The following TMEM143 variants were observed in gnomAD, a reference collection of about 807,000 sequenced individuals.
The protein encoded by TMEM143 is transmembrane protein 143.
In TMEM143, 45 loss-of-function variants were observed where a neutral mutation model predicts 40.3. The ratio of observed to expected loss-of-function variants is 1.12; its 90% CI spans 0.88 to 1.43. The LOEUF is 1.43. Ranked by LOEUF, TMEM143 falls within the 40% of genes most tolerant of loss-of-function variation. TMEM143 has a pLI of 0.00. For missense variants in TMEM143, 620 were observed against 613.4 expected, an observed-to-expected ratio of 1.01 and a Z score of -0.11; for synonymous variants, 299 against 282.7, an observed-to-expected ratio of 1.06 and a Z score of -0.58.
chr19:48,352,261 A>AAAAAAAAAAAAAAACAC (rs930196732), intron 3 of TMEM143, among the ~76,000 whole-genome samples: 1 of 143,806 alleles, frequency 7.0e-6, no homozygotes, highest in African/African-American at 2.8e-5. Context: ...AAAAAAAAAA[A>AAAAAAAAAAAAAAACAC]ACACCATATC....
At chr19:48,344,709 C>G (rs991352121) in intron 4 of TMEM143, among the ~76,000 whole-genome samples, 2 of 151,630 alleles carry the variant, frequency 1.3e-5, no homozygotes, top group African/African-American at 4.8e-5. Context: ...GACAGCAGCA[C>G]CTCCTTTTTT....
At chr19:48,355,421 G>A (rs1430332789) in intron 3 of TMEM143, among the ~76,000 whole-genome samples, 1 of 152,168 alleles carries the variant, frequency 6.6e-6, no homozygotes, top group African/African-American at 2.4e-5. Flanking sequence ...CAGGCAGACG[G>A]GGGCTTGATC....
At chr19:48,351,409 C>G (rs547221840) in intron 3 of TMEM143, among the ~76,000 whole-genome samples, 1 of 152,292 alleles carries the variant, frequency 6.6e-6, no homozygotes, top group South Asian at 2.1e-4. Flanking sequence ...GCTGTTCTCC[C>G]CGCCCCGTCC....
Position 48,345,217 on chromosome 19 carries a change from C to A in TMEM143, c.507G>T (p.Leu169=). The change falls in exon 4 of 8, where the codon CTG becomes CTT. Residue 169 remains leucine (L), a synonymous_variant. Coordinates refer to ENST00000293261, the MANE Select transcript of TMEM143 (RefSeq NM_018273.4). ...PLLAQANFSP[L]SEDTLAYALV... ...GCGCGTAGGCCAGGGTGTCCTCAGA[C>A]AGCGGGGAGAAGTTGGCCTGGGCCA... The A allele has an allele frequency of 1.2e-6, 2 of 1,613,690 alleles. No individual in the cohort carries two copies. The highest frequency in any genetic ancestry group is 1.7e-6 in the Non-Finnish European group (2 of 1,179,780).
chr19:48,359,956 A>G (rs372170637), intron 3 of TMEM143, 116 bp downstream of exon 3: 1 of 987,684 alleles, frequency 1.0e-6, no homozygotes, highest in Non-Finnish European at 1.5e-6. Context: ...CATGTTCACT[A>G]TTGAATCCCC....
In TMEM143 at chr19:48,333,209, T is replaced by C; in HGVS notation, c.*10A>G. On this transcript the variant is annotated 3_prime_UTR_variant, in exon 8 of 8. Coordinates refer to ENST00000293261, the MANE Select transcript of TMEM143 (RefSeq NM_018273.4). This position sits in a 1 kb window ranked among gnomAD's most constrained non-coding sequence, Gnocchi z 4.1. ...CTAGCCTGCTGACTGGGCAGGGAGG[T>C]AGGTTCTACTCAGGAGATGTTACTG... 1 of 1,422,188 alleles carries C rather than the reference T, an allele frequency of 7.0e-7. No homozygotes were observed. The highest frequency in any genetic ancestry group is 9.3e-7 in the Non-Finnish European group (1 of 1,072,406). 88.1% of individuals were successfully genotyped at this position (1,422,188 alleles called of 1,614,324 possible).
At position 48,363,311 on chromosome 19, in the gene TMEM143, G is replaced by A. The variant is rs138904849; in HGVS notation, c.244C>T (p.Leu82=). The change falls in exon 2 of 8, where the codon CTG becomes TTG. Residue 82 remains leucine, a synonymous_variant. Coordinates refer to ENST00000293261, the MANE Select transcript of TMEM143 (RefSeq NM_018273.4). ...ERFIPFSKEQ[L]LRLLIQEFHS... is the part of the protein sequence containing the mutation. ...GGTACCTGTATTAGGAGGCGGAGCA[G>A]CTGCTCCTTGGAGAAGGGAATGAAG... is the stretch of plus-strand genomic sequence containing the variant. 2.4e-5 allele frequency: 39 copies of A among 1,613,958 alleles called. No individual in the cohort carries two copies. The African/African-American group carries it at 4.5e-4, about 19-fold the overall frequency.
intron 3 of TMEM143, among the ~76,000 whole-genome samples, chr19:48,356,035 G>A (rs1039139916): frequency 2.6e-5 from 4 of 152,148 alleles, no homozygotes; most frequent in African/African-American, 9.7e-5. Flanking sequence ...ATTAAGTGCC[G>A]TCCATGACTC....
chr19:48,355,822 T>C (rs1187269120), intron 3 of TMEM143, among the ~76,000 whole-genome samples: 1 of 152,198 alleles, frequency 6.6e-6, no homozygotes, highest in Non-Finnish European at 1.5e-5. Context: ...GGGGCCACAC[T>C]GGATGCTGTG....
rs1361603114 is a variant in TMEM143, at chr19:48,354,789, C to G, written c.369+5283G>C. The stretch of plus-strand genomic sequence containing the variant: ...GGTCACCCGCACCACTAGTGAACAA[C>G]CAAGCTATTGTTTGAACCGAGGCTA... On this transcript the variant is annotated intron_variant, in intron 3 of 7. Transcript: ENST00000293261. 2.0e-5 allele frequency among the ~76,000 whole-genome samples: 3 copies of G among 152,150 alleles called. 1 individual carries two copies. The East Asian group carries it at 5.8e-4, about 29-fold the overall frequency.
At chr19:48,337,881 G>A (rs1170580291) in intron 6 of TMEM143, among the ~76,000 whole-genome samples, 4 of 152,168 alleles carry the variant, frequency 2.6e-5, no homozygotes, top group East Asian at 3.8e-4. Flanking sequence ...GTTAGGGACC[G>A]TGTGGTATGA....
intron 3 of TMEM143, among the ~76,000 whole-genome samples, chr19:48,346,958 C>G (rs1969649546): frequency 6.6e-6 from 1 of 152,168 alleles, no homozygotes; most frequent in African/African-American, 2.4e-5. Context: ...CCACAATCCA[C>G]CCCTCCAACA....
chr19:48,360,818 G>A (rs1600929289), intron 2 of TMEM143, among the ~76,000 whole-genome samples: 1 of 152,100 alleles, frequency 6.6e-6, no homozygotes, highest in East Asian at 1.9e-4. Context: ...ACAGAGTCTC[G>A]TTCTGTCACC....
chr19:48,350,644 G>A (rs146333963), intron 3 of TMEM143, among the ~76,000 whole-genome samples: 7 of 152,108 alleles, frequency 4.6e-5, no homozygotes, highest in African/African-American at 1.7e-4. Flanking sequence ...AATTGGTGCC[G>A]GGCACAGTGG....
intron 4 of TMEM143, among the ~76,000 whole-genome samples, 172 bp downstream of exon 4, chr19:48,344,988 T>C (rs895218841): frequency 2.6e-5 from 4 of 152,216 alleles, no homozygotes; most frequent in Non-Finnish European, 5.9e-5. Flanking sequence ...GATTACAGGC[T>C]TGAGCCACTG....
In TMEM143 at chr19:48,342,773, G is replaced by A. The variant is rs1171011679; in HGVS notation, c.732C>T (p.Thr244=). 1 of 1,610,236 alleles carries A rather than the reference G, an allele frequency of 6.2e-7. No individual in the cohort carries two copies. Among genetic ancestry groups the A allele is most frequent in the Admixed American group, 1.7e-5 (1 of 59,900 alleles). ...YFKRVVLAAR[T]KRGHLVLKSF... is the part of the protein sequence containing the mutation. ...TCTTCAGTACCAGGTGTCCCCGTTT[G>A]GTCCGGGCTGCCAGGACCACCCGCT... is the stretch of plus-strand genomic sequence containing the variant. Residue 244 remains threonine, a synonymous_variant, in exon 6 of 8, where the codon ACC becomes ACT. Transcript: ENST00000293261.
chr19:48,338,037 T>TC (rs58222139), intron 6 of TMEM143, among the ~76,000 whole-genome samples: 75,578 of 151,824 alleles, frequency 0.5, 19,119 homozygotes, highest in African/African-American at 0.57. Context: ...CCTTCAGCAC[T>TC]ACCGCTGCCC....
In TMEM143 at chr19:48,360,068, T is replaced by C. The variant is rs1360766433; in HGVS notation, c.369+4A>G. ...CCACAGGGCTGGAAGGGCCCCGTCC[T>C]CACCTGCAGCCGGGCCAGGATTTGG... On this transcript the variant is annotated splice_donor_region_variant and intron_variant, in intron 3 of 7. Coordinates refer to ENST00000293261, the MANE Select transcript of TMEM143 (RefSeq NM_018273.4). 1 of 1,613,820 alleles carries C rather than the reference T, an allele frequency of 6.2e-7. No individual in the cohort carries two copies. The highest frequency in any genetic ancestry group is 1.7e-5 in the Admixed American group (1 of 60,002).
At chr19:48,343,610 C>T (rs990437637) in intron 4 of TMEM143, among the ~76,000 whole-genome samples, 159 bp from the exon 5 acceptor site, 1 of 152,160 alleles carries the variant, frequency 6.6e-6, no homozygotes, top group African/African-American at 2.4e-5. Context: ...TTGTCCATGT[C>T]GTATACTGCA....
Sources: gnomAD v4.1 joint callset for allele counts (sites outside exome capture counted in the v4.1 genomes callset) on GRCh38, gnomAD v4.1.1 for gene constraint, Gnocchi (gnomAD v3.1) non-coding constraint, MANE v1.5 for transcripts, NCBI Gene and HGNC (gene_info 2026-07-23, HGNC 2026-07-21) for gene names.